EYS: variants seen among roughly 807,000 people sequenced by gnomAD.
The protein encoded by EYS is EGF-like photoreceptor maintenance factor.
Under a neutral mutation model 282.1 loss-of-function variants are expected in EYS, and 250 were observed. The observed-to-expected ratio is 0.89, with a 90% CI of 0.80 to 0.98. The LOEUF (loss-of-function observed/expected upper bound fraction) is 0.98, where lower values mean the gene tolerates loss of function less well. Ranked by LOEUF, EYS falls within the 50% of genes least tolerant of loss-of-function variation. The pLI is 0.00. For synonymous variants in EYS, 1,355 were observed against 1,282.9 expected (o/e 1.06, Z -1.20); for missense variants, 4,016 against 3,709.0 (o/e 1.08, Z -2.15).
chr6:64,717,236 C>A lies in EYS; in HGVS notation c.3444-90991G>T, dbSNP rs573266140. Among the ~76,000 whole-genome samples, 5 of 152,276 alleles carry A rather than the reference C, an allele frequency of 3.3e-5. No homozygotes were observed. The East Asian group carries it at 5.8e-4, about 18-fold the overall frequency. ...TCCTGCCACCAGATGTAGCTTGTCG[C>A]TTGCCAGTCACTAATAGGGATTTGA... is the stretch of plus-strand genomic sequence containing the variant. On this transcript the variant is annotated intron_variant, in intron 22 of 42. Transcript: ENST00000503581.
At chr6:64,923,905 A>G (rs890109197) in intron 15 of EYS, among the ~76,000 whole-genome samples, 5 of 124,690 alleles carry the variant, frequency 4.0e-5, no homozygotes, top group African/African-American at 1.4e-4. Context: ...ACAGGCTGGC[A>G]TTGTCTGTGG....
intron 22 of EYS, among the ~76,000 whole-genome samples, chr6:64,722,350 T>A (rs1162841701): frequency 6.6e-6 from 1 of 152,102 alleles, no homozygotes; most frequent in Non-Finnish European, 1.5e-5. Context: ...TGTGCTCAGC[T>A]GATACATAGT....
At chr6:64,346,448 A>G (rs1771400359) in intron 29 of EYS, among the ~76,000 whole-genome samples, 1 of 151,894 alleles carries the variant, frequency 6.6e-6, no homozygotes, top group South Asian at 2.1e-4. Flanking sequence ...AAACTATCAC[A>G]AGGACAAAAA....
rs747921119 is a variant in EYS at position 64,591,474 on chromosome 6, C to A, written c.4393G>T (p.Ala1465Ser). Residue 1465 changes from alanine to serine, a missense_variant, in exon 26 of 43, where the codon GCT (alanine) becomes TCT (serine). Ala to Ser is a moderately conservative substitution (Grantham distance 99). Transcript: ENST00000503581. ...ISATPVVSRG[A>S]QEDIEEYSAD... ...GAATATTCTTCAATATCCTCTTGAG[C>A]CCCCCTAGAGACAACTGGAGTTGCA... 24 of 1,551,150 alleles carry A rather than the reference C, an allele frequency of 1.5e-5. No individual in the cohort carries two copies. The East Asian group carries it at 5.4e-4, about 35-fold the overall frequency.
chr6:64,400,696 G>T (rs1437298139), intron 28 of EYS, among the ~76,000 whole-genome samples: 1 of 152,058 alleles, frequency 6.6e-6, no homozygotes, highest in Non-Finnish European at 1.5e-5. Context: ...ACCATGCAGT[G>T]TAAATTTTTT....
intron 29 of EYS, among the ~76,000 whole-genome samples, chr6:64,351,849 A>G (rs910938114): frequency 7.3e-5 from 11 of 151,678 alleles, no homozygotes; most frequent in Admixed American, 7.2e-4. Flanking sequence ...AATACCATGT[A>G]TGTATAATGC....
chr6:64,799,762 AT>A (rs1774480106), intron 22 of EYS, among the ~76,000 whole-genome samples: 1 of 151,596 alleles, frequency 6.6e-6, no homozygotes, highest in African/African-American at 2.4e-5. Flanking sequence ...AAAAGAAAAC[AT>A]TTATAGTTTT....
intron 2 of EYS, among the ~76,000 whole-genome samples, chr6:65,573,308 A>G (rs912020987): frequency 6.6e-6 from 1 of 152,180 alleles, no homozygotes; most frequent in Non-Finnish European, 1.5e-5. Flanking sequence ...ATGTCAGTAC[A>G]AGCAAAGAAG....
intron 26 of EYS, among the ~76,000 whole-genome samples, chr6:64,499,191 A>C (rs16895333): frequency 0.014 from 2,125 of 152,234 alleles, 36 homozygotes; most frequent in African/African-American, 0.041. Context: ...ATGAACCATC[A>C]AAATAAGCAT....
chr6:65,627,958 A>G (rs1385013834), intron 2 of EYS, among the ~76,000 whole-genome samples: 1 of 152,214 alleles, frequency 6.6e-6, no homozygotes, highest in Non-Finnish European at 1.5e-5. Flanking sequence ...AGGCAGCTCC[A>G]CCTGCAGCCC....
intron 2 of EYS, among the ~76,000 whole-genome samples, chr6:65,528,758 T>G (rs1484673538): frequency 6.6e-6 from 1 of 152,188 alleles, no homozygotes; most frequent in African/African-American, 2.4e-5. Flanking sequence ...TTGGGGAAAT[T>G]TATTTACATA....
chr6:64,925,715 G>T (rs1768494035), intron 15 of EYS, among the ~76,000 whole-genome samples: 1 of 152,138 alleles, frequency 6.6e-6, no homozygotes, highest in African/African-American at 2.4e-5. Flanking sequence ...TACACCCAAA[G>T]GTGTAATCTA....
intron 33 of EYS, among the ~76,000 whole-genome samples, chr6:64,020,447 C>G (rs1315038992): frequency 6.6e-6 from 1 of 151,986 alleles, no homozygotes; most frequent in Non-Finnish European, 1.5e-5. Flanking sequence ...AACACCAAAC[C>G]AAGTCACGAA....
At chr6:64,298,759 A>G (rs1162281632) in intron 30 of EYS, among the ~76,000 whole-genome samples, 2 of 152,218 alleles carry the variant, frequency 1.3e-5, no homozygotes, top group South Asian at 4.1e-4. Context: ...ACTTTTTTCA[A>G]CTATATCCTC....
chr6:64,191,476 T>TCCCCCCCC (rs542212151), intron 31 of EYS, among the ~76,000 whole-genome samples: 1 of 139,160 alleles, frequency 7.2e-6, no homozygotes, highest in Non-Finnish European at 1.5e-5. Context: ...GTGCTATCCC[T>TCCCCCCCC]TCCCCCCCCA....
intron 22 of EYS, among the ~76,000 whole-genome samples, chr6:64,702,415 T>A (rs1770823492): frequency 6.6e-6 from 1 of 151,956 alleles, no homozygotes; most frequent in African/African-American, 2.4e-5. Context: ...AAAATAAAAT[T>A]TAAAACTGTA....
chr6:64,778,947 A>G (rs1431803669), intron 22 of EYS, among the ~76,000 whole-genome samples: 1 of 152,140 alleles, frequency 6.6e-6, no homozygotes, highest in Non-Finnish European at 1.5e-5. Flanking sequence ...AAACATCACT[A>G]CATCACCTAT....
At chr6:64,870,703 A>G (rs1387547921) in intron 19 of EYS, among the ~76,000 whole-genome samples, 2 of 151,816 alleles carry the variant, frequency 1.3e-5, no homozygotes, top group African/African-American at 2.4e-5. Flanking sequence ...TAAAGAAACT[A>G]TATGAACAAA....
chr6:63,998,477 C>A (rs1767934282), intron 34 of EYS, among the ~76,000 whole-genome samples: 1 of 152,082 alleles, frequency 6.6e-6, no homozygotes, highest in Non-Finnish European at 1.5e-5. Context: ...GATTAATTCT[C>A]CATGATGATC....
Sources: allele counts gnomAD v4.1 joint callset (sites outside exome capture counted in the v4.1 genomes callset), GRCh38; gene constraint gnomAD v4.1.1; transcripts MANE v1.5; gene names NCBI Gene and HGNC (gene_info 2026-07-23, HGNC 2026-07-21).